The following RUNDC3B variants were observed in gnomAD, a reference collection of about 807,000 sequenced individuals.
RUNDC3B encodes RUN domain containing 3B.
A neutral mutation model predicts 58.4 loss-of-function variants in RUNDC3B; 33 were observed. That is an observed-to-expected ratio of 0.56 (90% confidence interval 0.43 to 0.75). The LOEUF is 0.75. RUNDC3B is among the 30% of genes least tolerant of loss of function. The pLI is 0.00. For missense variants in RUNDC3B, 501 were observed against 535.7 expected (o/e 0.94, Z 0.64); for synonymous variants, 193 against 195.2 (o/e 0.99, Z 0.10).
intron 2 of RUNDC3B, among the ~76,000 whole-genome samples, chr7:87,673,441 A>T (rs988140252): frequency 6.6e-6 from 1 of 151,992 alleles, no homozygotes; most frequent in African/African-American, 2.4e-5. Flanking sequence ...TCTTTTTCTG[A>T]CTGAGCTAAT....
chr7:87,789,842 G>A (rs1432250498), intron 8 of RUNDC3B, among the ~76,000 whole-genome samples: 1 of 152,178 alleles, frequency 6.6e-6, no homozygotes, highest in Non-Finnish European at 1.5e-5. Context: ...TGTGGTTTGA[G>A]TGCCAGCTTA....
At chr7:87,819,250 G>A (rs1837264995) in intron 10 of RUNDC3B, among the ~76,000 whole-genome samples, 1 of 152,080 alleles carries the variant, frequency 6.6e-6, no homozygotes, top group Non-Finnish European at 1.5e-5. Context: ...TGAGTAAAAG[G>A]TACTTAAGCA....
At chr7:87,650,544 C>T (rs1027446771) in intron 1 of RUNDC3B, among the ~76,000 whole-genome samples, 1 of 152,038 alleles carries the variant, frequency 6.6e-6, no homozygotes, top group Non-Finnish European at 1.5e-5. Flanking sequence ...AGGCACCCAC[C>T]CTTAATACTA....
chr7:87,770,852 G>T, intron 7 of RUNDC3B, 103 bp downstream of exon 7: 1 of 727,412 alleles, frequency 1.4e-6, no homozygotes, highest in Non-Finnish European at 2.2e-6. Flanking sequence ...TTTATCCATT[G>T]CTGCTTCTCT....
At chr7:87,713,035 T>C (rs910811846) in intron 4 of RUNDC3B, 1 of 152,170 alleles carries the variant, frequency 6.6e-6, no homozygotes, top group Non-Finnish European at 1.5e-5. Flanking sequence ...TTTTTTTTAC[T>C]GAGATGAAAC....
intron 1 of RUNDC3B, among the ~76,000 whole-genome samples, chr7:87,645,198 T>C (rs1046954429): frequency 6.6e-6 from 1 of 151,340 alleles, no homozygotes; most frequent in African/African-American, 2.4e-5. Flanking sequence ...TTCTCCTACC[T>C]CAGCCTCTTG....
At position 87,777,852 on chromosome 7, in the gene RUNDC3B, T is replaced by A; in HGVS notation, c.853T>A (p.Ser285Thr). ...AGAGAACCAACTATCTGAATCTGTC[T>A]CCCAGAATAAAATACTACTTCAAAG... ...LRENQLSESV[S>T]QNKILLQRIE... Residue 285 changes from serine (S) to threonine (T), a missense_variant, in exon 8 of 11, where the codon TCC becomes ACC. Coordinates refer to ENST00000394654, the MANE Select transcript of RUNDC3B (RefSeq NM_001134405.2). 6.2e-7 allele frequency: 1 copy of A among 1,613,594 alleles called. No homozygotes were observed. Among genetic ancestry groups the A allele is most frequent in the Non-Finnish European group, 8.5e-7 (1 of 1,179,664 alleles).
At position 87,777,956 on chromosome 7, in the gene RUNDC3B, G is replaced by GT. The variant is rs1834730288; in HGVS notation, c.956+2dup. On this transcript the variant is annotated splice_donor_variant, in intron 8 of 10. Transcript: ENST00000394654. LOFTEE classifies it high-confidence loss of function. ...TAATTGTGGAGCTTCAAGATCAGCTGTAAGTACAAGCCTTTTAGAAAAATG... is the reference window on the plus strand; with the variant it reads ...TAATTGTGGAGCTTCAAGATCAGCTGTTAAGTACAAGCCTTTTAGAAAAATG... The GT allele has an allele frequency of 6.2e-7, 1 of 1,610,396 alleles. No individual in the cohort carries two copies. The highest frequency in any genetic ancestry group is 8.5e-7 in the Non-Finnish European group (1 of 1,178,432).
intron 9 of RUNDC3B, among the ~76,000 whole-genome samples, chr7:87,810,278 G>C (rs1836642504): frequency 6.6e-6 from 1 of 152,210 alleles, no homozygotes; most frequent in Non-Finnish European, 1.5e-5. Flanking sequence ...CCCAGCAGTG[G>C]ATGTAGGCAG....
intron 8 of RUNDC3B, among the ~76,000 whole-genome samples, chr7:87,798,737 A>G (rs534864402): frequency 6.6e-6 from 1 of 152,198 alleles, no homozygotes; most frequent in South Asian, 2.1e-4. Flanking sequence ...TTCTTAAAGG[A>G]TAGTGTCAAG....
chr7:87,815,997 C>T (rs1837008361), intron 9 of RUNDC3B, 144 bp from the exon 10 acceptor site: 1 of 610,858 alleles, frequency 1.6e-6, no homozygotes, highest in Non-Finnish European at 2.9e-6. Context: ...ATACTGAAGC[C>T]AAGAATATGA....
At chr7:87,710,785 A>G (rs1312465892) in intron 4 of RUNDC3B, 130 bp downstream of exon 4, 6 of 513,996 alleles carry the variant, frequency 1.2e-5, no homozygotes, top group Non-Finnish European at 1.7e-5. Flanking sequence ...GTTACTACTC[A>G]GATAAATCCA....
chr7:87,728,876 A>T (rs1301202461), intron 4 of RUNDC3B, among the ~76,000 whole-genome samples: 1 of 152,140 alleles, frequency 6.6e-6, no homozygotes, highest in Non-Finnish European at 1.5e-5. Context: ...CTCCAGATGG[A>T]GGTGATGTGG....
chr7:87,751,519 A>G (rs1235440534), intron 6 of RUNDC3B, among the ~76,000 whole-genome samples: 1 of 152,154 alleles, frequency 6.6e-6, no homozygotes, highest in Non-Finnish European at 1.5e-5. Context: ...TGAGCATGGA[A>G]TGTTCTTCCA....
At chr7:87,779,546 T>TAAC (rs1834821340) in intron 8 of RUNDC3B, among the ~76,000 whole-genome samples, 1 of 152,140 alleles carries the variant, frequency 6.6e-6, no homozygotes, top group Admixed American at 6.6e-5. Flanking sequence ...GGTTAAGGTG[T>TAAC]TTTTCTCTTC....
chr7:87,692,862 C>A (rs1563138406), intron 2 of RUNDC3B, among the ~76,000 whole-genome samples: 1 of 152,090 alleles, frequency 6.6e-6, no homozygotes, highest in Non-Finnish European at 1.5e-5. Context: ...AGTTATAGAT[C>A]CTTTTGGATA....
intron 5 of RUNDC3B, 28 bp from the exon 6 acceptor site, chr7:87,741,471 A>G (rs760234426): frequency 8.3e-7 from 1 of 1,206,530 alleles, no homozygotes; most frequent in Non-Finnish European, 1.2e-6. Context: ...ATATATTAAT[A>G]GGAAATATTT....
At chr7:87,714,409 G>T (rs1441582163) in intron 4 of RUNDC3B, among the ~76,000 whole-genome samples, 4 of 152,136 alleles carry the variant, frequency 2.6e-5, no homozygotes. Flanking sequence ...ATGGTCACAT[G>T]GGGATGAAGT....
At chr7:87,789,409 A>G (rs1217098394) in intron 8 of RUNDC3B, among the ~76,000 whole-genome samples, 2 of 152,170 alleles carry the variant, frequency 1.3e-5, no homozygotes, top group Non-Finnish European at 2.9e-5. Context: ...CGTAGTGAGT[A>G]CTGATGGCAT....
Sources: allele counts gnomAD v4.1 joint callset (sites outside exome capture counted in the v4.1 genomes callset), GRCh38; gene constraint gnomAD v4.1.1; transcripts MANE v1.5; gene names NCBI Gene and HGNC (gene_info 2026-07-23, HGNC 2026-07-21).